The following LYST variants were observed in gnomAD, a reference collection of about 807,000 sequenced individuals.
The protein encoded by LYST is lysosomal trafficking regulator, also known as lysosomal-trafficking regulator.
Under a neutral mutation model 413.6 loss-of-function variants are expected in LYST, and 192 were observed. The observed-to-expected ratio is 0.46, with a 90% CI of 0.41 to 0.52. The LOEUF is 0.52. Among genes scored for constraint, LYST ranks in the 20% least tolerant of loss-of-function variants. The pLI is 0.00. For synonymous variants in LYST, 1,525 were observed against 1,567.3 expected, an observed-to-expected ratio of 0.97 and a Z score of 0.64; for missense variants, 3,815 against 4,499.9, an observed-to-expected ratio of 0.85 and a Z score of 4.35.
chr1:235,666,607 T>TACATAC (rs1553260819), intron 50 of LYST, among the ~76,000 whole-genome samples: 1 of 141,364 alleles, frequency 7.1e-6, no homozygotes, highest in African/African-American at 2.6e-5. Flanking sequence ...CACACACACA[T>TACATAC]ACACACACAC....
intron 50 of LYST, among the ~76,000 whole-genome samples, chr1:235,671,441 C>T (rs1658934696): frequency 6.6e-6 from 1 of 152,082 alleles, no homozygotes; most frequent in Non-Finnish European, 1.5e-5. Flanking sequence ...ATCACATTTA[C>T]TGATTTGTAT....
rs771004545 is a variant in LYST, at chr1:235,716,782, C to T, written c.9561-4G>A. On this transcript the variant is annotated splice_polypyrimidine_tract_variant and splice_region_variant and intron_variant, in intron 40 of 52. Transcript: ENST00000389793. The stretch of plus-strand genomic sequence containing the variant: ...AGCTATAGGTTTAGAGAGATTTCTG[C>T]AAGAAAAGGACAATTTTAAAAATTA... The T allele has an allele frequency of 1.9e-6, 3 of 1,542,964 alleles. No individual in the cohort carries two copies. The highest frequency in any genetic ancestry group is 1.1e-5 in the South Asian group (1 of 89,256).
intron 14 of LYST, among the ~76,000 whole-genome samples, chr1:235,785,696 C>T (rs975213657): frequency 2.0e-5 from 3 of 152,186 alleles, no homozygotes; most frequent in African/African-American, 7.2e-5. Context: ...CATGTCCATT[C>T]ATTTTTATTT....
At position 235,704,448 on chromosome 1, in the gene LYST, CT is replaced by C. The variant is rs1247774840; in HGVS notation, c.10144-1472del. Among the ~76,000 whole-genome samples the C allele has an allele frequency of 2.6e-5, 4 of 152,268 alleles. No homozygotes were observed. The East Asian group carries it at 7.7e-4, about 29-fold the overall frequency. The stretch of plus-strand genomic sequence containing the variant: ...TTTTGACTTTTTAGTAATAACCATT[CT>C]GACTGGTGGGAGACGGCATCTCACT... On this transcript the variant is annotated intron_variant, in intron 44 of 52. Transcript: ENST00000389793.
rs1662736597 is a variant in LYST at position 235,715,291 on chromosome 1, G to A, written c.9694C>T (p.His3232Tyr). ...DDPMPPVQPY[H>Y]YGSHYSNSGT... ...CTATTGGAATAGTGGGAGCCATAGT[G>A]ATAGGGCTGCACGGGAGGCATGGGG... Residue 3232 changes from histidine to tyrosine, a missense_variant, in exon 42 of 53, where the codon CAC becomes TAC. Physicochemically the swap from His to Tyr is moderately conservative, Grantham distance 83 (BLOSUM62 2). Transcript: ENST00000389793. The A allele has an allele frequency of 6.2e-7, 1 of 1,613,328 alleles. No homozygotes were observed. The highest frequency in any genetic ancestry group is 1.3e-5 in the African/African-American group (1 of 74,900).
chr1:235,696,855 C>G (rs1661145773), intron 46 of LYST, among the ~76,000 whole-genome samples: 1 of 152,150 alleles, frequency 6.6e-6, no homozygotes, highest in Non-Finnish European at 1.5e-5. Flanking sequence ...GTGAACATAA[C>G]CATCTATTCT....
At position 235,833,617 on chromosome 1, in the gene LYST, A is replaced by T; in HGVS notation, c.-47T>A. On this transcript the variant is annotated 5_prime_UTR_variant, in exon 2 of 53. It removes an upstream start codon present in the reference 5' UTR. Coordinates refer to ENST00000389793, the MANE Select transcript of LYST (RefSeq NM_000081.4). ...TGCTGTGACATTTACAGTCTATATCATTTGGACTCATAAACTAGATGAAAC... is the reference window on the plus strand; with the variant it reads ...TGCTGTGACATTTACAGTCTATATCTTTTGGACTCATAAACTAGATGAAAC... 5 of 946,782 alleles carry T rather than the reference A, an allele frequency of 5.3e-6. No individual in the cohort carries two copies. Among genetic ancestry groups the T allele is most frequent in the Non-Finnish European group, 6.3e-6 (5 of 794,592 alleles). 58.6% of individuals were successfully genotyped at this position (946,782 alleles called of 1,614,324 possible).
At chr1:235,677,281 T>A (rs552060358) in intron 49 of LYST, 93 bp from the exon 50 acceptor site, 1 of 1,094,270 alleles carries the variant, frequency 9.1e-7, no homozygotes, top group African/African-American at 1.6e-5. Flanking sequence ...ATGTACCTAT[T>A]GTACATAAGG....
chr1:235,752,894 T>C, intron 26 of LYST, 150 bp downstream of exon 26: 4 of 511,254 alleles, frequency 7.8e-6, no homozygotes, highest in Non-Finnish European at 1.4e-5. Flanking sequence ...TTTCTGTTAT[T>C]ATTATTTTTT....
rs746492629 is a variant in LYST at position 235,851,797 on chromosome 1, T to C, written c.-98+15046A>G. Among the ~76,000 whole-genome samples the C allele has an allele frequency of 1.3e-3, 203 of 152,116 alleles. 2 individuals carry two copies. Among genetic ancestry groups the C allele is most frequent in the Non-Finnish European group, 2.1e-3 (145 of 67,998 alleles). On this transcript the variant is annotated intron_variant, in intron 1 of 52. Transcript: ENST00000389793. Reference sequence around the variant, plus strand: ...TGGGCTTTGTGTGATCAAATTCCTCTTGGAATTTAAAATGCAGATCAGGGA... The same window carrying C: ...TGGGCTTTGTGTGATCAAATTCCTCCTGGAATTTAAAATGCAGATCAGGGA...
At chr1:235,863,113 C>A (rs1425533755) in intron 1 of LYST, among the ~76,000 whole-genome samples, 1 of 151,842 alleles carries the variant, frequency 6.6e-6, no homozygotes, top group Non-Finnish European at 1.5e-5. Flanking sequence ...TTGAACTTGG[C>A]CCAGCACGGT....
intron 1 of LYST, among the ~76,000 whole-genome samples, chr1:235,858,077 A>G (rs1679416532): frequency 6.6e-6 from 1 of 152,158 alleles, no homozygotes; most frequent in Non-Finnish European, 1.5e-5. Context: ...TGGGGACTTC[A>G]TTATCCATAA....
intron 45 of LYST, among the ~76,000 whole-genome samples, chr1:235,697,517 A>G (rs1397390925): frequency 6.6e-6 from 1 of 152,182 alleles, no homozygotes; most frequent in Non-Finnish European, 1.5e-5. Flanking sequence ...TTAATAATTC[A>G]AAATTCCTTG....
chr1:235,752,906 A>T, intron 26 of LYST, 138 bp downstream of exon 26: 4 of 501,312 alleles, frequency 8.0e-6, no homozygotes, highest in Non-Finnish European at 1.1e-5. Flanking sequence ...TTATTTTTTT[A>T]CTTTTATTTT....
chr1:235,780,424 T>C (rs954412476), intron 16 of LYST, among the ~76,000 whole-genome samples: 1 of 150,928 alleles, frequency 6.6e-6, no homozygotes, highest in Non-Finnish European at 1.5e-5. Flanking sequence ...AAATAAAAAA[T>C]AAAAAAGAGT....
At chr1:235,695,799 AT>A (rs1183109154) in intron 46 of LYST, among the ~76,000 whole-genome samples, 3 of 150,212 alleles carry the variant, frequency 2.0e-5, no homozygotes, top group Admixed American at 6.6e-5. Flanking sequence ...CGCCCGGCTA[AT>A]TTTTTTTTGT....
chr1:235,713,228 G>A, intron 42 of LYST: 1 of 982,968 alleles, frequency 1.0e-6, no homozygotes, highest in African/African-American at 1.7e-5. Context: ...AAAGTAAGGA[G>A]GGCCACTTAA....
chr1:235,770,394 G>T, intron 19 of LYST, 97 bp from the exon 20 acceptor site: 2 of 1,063,620 alleles, frequency 1.9e-6, no homozygotes, highest in South Asian at 1.3e-5. Context: ...TTAACATTGT[G>T]TATATATTCA....
intron 3 of LYST, among the ~76,000 whole-genome samples, chr1:235,823,422 T>C (rs1475652349): frequency 6.6e-6 from 1 of 152,246 alleles, no homozygotes; most frequent in Admixed American, 6.5e-5. Context: ...TTTGCATTAT[T>C]CTCCTATTGA....
Sources: allele counts gnomAD v4.1 joint callset (sites outside exome capture counted in the v4.1 genomes callset), GRCh38; gene constraint gnomAD v4.1.1; transcripts MANE v1.5; gene names NCBI Gene and HGNC (gene_info 2026-07-23, HGNC 2026-07-21).